The following CRACD variants were observed in gnomAD, a reference collection of about 807,000 sequenced individuals.
CRACD encodes capping protein inhibiting regulator of actin dynamics.
Under a neutral mutation model 106.8 loss-of-function variants are expected in CRACD, and 56 were observed. The observed-to-expected ratio is 0.52, with a 90% confidence interval of 0.42 to 0.66. The LOEUF (loss-of-function observed/expected upper bound fraction) is 0.66. CRACD is among the 30% of genes least tolerant of loss of function. The probability of loss-of-function intolerance (pLI) is 0.00; values close to 1 mark genes in which losing one functional copy is unlikely to be tolerated. For synonymous variants in CRACD, 754 were observed against 670.8 expected, an observed-to-expected ratio of 1.12 and a Z score of -1.92; for missense variants, 1,730 against 1,623.2, an observed-to-expected ratio of 1.07 and a Z score of -1.13.
At position 56,298,583 on chromosome 4, in the gene CRACD, T is replaced by G. The variant is rs910285582; in HGVS notation, c.120+234T>G. ...CTGCATGACACACCCTCTCCTTTTC[T>G]TTCAAATTGTTCCCTCATATTTTAC... On this transcript the variant is annotated intron_variant, in intron 4 of 10. Coordinates refer to ENST00000682029, the MANE Select transcript of CRACD (RefSeq NM_001393381.1). Among the ~76,000 whole-genome samples, 32 of 152,308 alleles carry G rather than the reference T, an allele frequency of 2.1e-4. 1 individual carries two copies. The highest frequency in any genetic ancestry group is 6.3e-4 in the African/African-American group (26 of 41,570).
chr4:56,070,132 T>A (rs933002327), intron 1 of CRACD, among the ~76,000 whole-genome samples: 2 of 152,118 alleles, frequency 1.3e-5, no homozygotes, highest in African/African-American at 4.8e-5. Flanking sequence ...CTTTGCTTGG[T>A]TCACGGTGCA....
At chr4:56,100,813 T>C (rs1055600776) in intron 1 of CRACD, among the ~76,000 whole-genome samples, 1 of 152,172 alleles carries the variant, frequency 6.6e-6, no homozygotes, top group African/African-American at 2.4e-5. Context: ...TCTGACAGAG[T>C]ACATTTCTGT....
At chr4:56,113,205 C>G (rs1047542987) in intron 1 of CRACD, among the ~76,000 whole-genome samples, 1 of 152,162 alleles carries the variant, frequency 6.6e-6, no homozygotes, top group African/African-American at 2.4e-5. Flanking sequence ...AAATTTGACA[C>G]AGTTTACTGT....
intron 1 of CRACD, among the ~76,000 whole-genome samples, chr4:56,164,119 T>C (rs2109907814): frequency 6.7e-6 from 1 of 149,650 alleles, no homozygotes; most frequent in South Asian, 2.1e-4. Flanking sequence ...CATATACTTT[T>C]GCTGGTACAG....
chr4:56,092,324 G>C (rs113697403), intron 1 of CRACD, among the ~76,000 whole-genome samples: 5 of 152,150 alleles, frequency 3.3e-5, no homozygotes, highest in Non-Finnish European at 7.4e-5. Context: ...CTTGGGCCCC[G>C]AGGAATAGTC....
chr4:56,146,256 A>T (rs1735376866), intron 1 of CRACD, among the ~76,000 whole-genome samples: 1 of 151,996 alleles, frequency 6.6e-6, no homozygotes, highest in African/African-American at 2.4e-5. Flanking sequence ...CATTCGTTTT[A>T]TTATTCTTTT....
intron 1 of CRACD, among the ~76,000 whole-genome samples, chr4:56,148,649 T>C (rs1735478257): frequency 6.6e-6 from 1 of 152,224 alleles, no homozygotes; most frequent in Admixed American, 6.5e-5. Context: ...AACAACTTTT[T>C]ATATTTGTTA....
chr4:56,259,754 G>A (rs1182197744), intron 2 of CRACD, among the ~76,000 whole-genome samples: 1 of 152,078 alleles, frequency 6.6e-6, no homozygotes, highest in Non-Finnish European at 1.5e-5. Context: ...TGTGGCTCCT[G>A]CCTCTCAATC....
chr4:56,291,601 A>G (rs1385910927), intron 3 of CRACD, among the ~76,000 whole-genome samples: 2 of 152,242 alleles, frequency 1.3e-5, no homozygotes, highest in African/African-American at 4.8e-5. Context: ...ACTGGTAACC[A>G]TGCTCACCAA....
At chr4:56,157,002 A>AT (rs1460782800) in intron 1 of CRACD, among the ~76,000 whole-genome samples, 2 of 152,240 alleles carry the variant, frequency 1.3e-5, no homozygotes, top group African/African-American at 4.8e-5. Flanking sequence ...GGCACTTAAT[A>AT]AACATTTGTC....
Position 56,314,434 on chromosome 4 carries a change from G to A in CRACD, c.932G>A (p.Arg311His), listed in dbSNP as rs1745384970. 1.9e-6 allele frequency: 3 copies of A among 1,540,704 alleles called. No homozygotes were observed. The highest frequency in any genetic ancestry group is 2.4e-5 in the South Asian group (2 of 83,460). The change falls in exon 8 of 11, where the codon CGC (arginine) becomes CAC (histidine). Residue 311 changes from arginine to histidine, a missense_variant. Physicochemically the swap from Arg to His is conservative, Grantham distance 29 (BLOSUM62 0). Around this residue, in one of 5 missense-constraint regions of CRACD, gnomAD observed 1,620 missense variants for 1,481.6 expected, o/e 1.09. Transcript: ENST00000682029. The surrounding 1 kb of genome is among the most constrained non-coding windows in gnomAD (Gnocchi z 4.4). ...EDAERREREE[R>H]ERLEAEEERR... is the part of the protein sequence containing the mutation. ...GCGGAGCGGAGGGAGCGTGAGGAGC[G>A]CGAGCGCCTGGAGGCGGAGGAGGAG... is the stretch of plus-strand genomic sequence containing the variant.
chr4:56,079,114 G>A (rs912420610), intron 1 of CRACD, among the ~76,000 whole-genome samples: 1 of 152,176 alleles, frequency 6.6e-6, no homozygotes, highest in Non-Finnish European at 1.5e-5. Context: ...TTTATGTGGA[G>A]TCCAGCGTGT....
intron 1 of CRACD, among the ~76,000 whole-genome samples, chr4:56,095,800 T>C (rs1363031381): frequency 6.6e-6 from 1 of 152,134 alleles, no homozygotes; most frequent in Non-Finnish European, 1.5e-5. Flanking sequence ...AGAGTGACAA[T>C]GTGGGGTGGG....
At chr4:56,099,836 C>T (rs1733722435) in intron 1 of CRACD, among the ~76,000 whole-genome samples, 1 of 152,184 alleles carries the variant, frequency 6.6e-6, no homozygotes, top group Non-Finnish European at 1.5e-5. Flanking sequence ...AAATAATATC[C>T]TGGAGAAATC....
intron 2 of CRACD, among the ~76,000 whole-genome samples, chr4:56,184,109 C>T (rs546953838): frequency 6.6e-6 from 1 of 152,112 alleles, no homozygotes; most frequent in Non-Finnish European, 1.5e-5. Flanking sequence ...CTTGATCTGT[C>T]GCCCAGGCTG....
intron 2 of CRACD, among the ~76,000 whole-genome samples, 155 bp from the exon 3 acceptor site, chr4:56,272,166 A>G (rs1289734861): frequency 5.3e-5 from 8 of 152,184 alleles, no homozygotes; most frequent in Non-Finnish European, 1.0e-4. Flanking sequence ...GCTGGCGCCG[A>G]CATTCCTGGC....
At chr4:56,190,154 A>C (rs1198417116) in intron 2 of CRACD, among the ~76,000 whole-genome samples, 1 of 151,542 alleles carries the variant, frequency 6.6e-6, no homozygotes, top group South Asian at 2.1e-4. Context: ...TGAACTCATC[A>C]TTTTTTATGG....
At chr4:56,237,460 T>C (rs2109551726) in intron 2 of CRACD, among the ~76,000 whole-genome samples, 1 of 152,250 alleles carries the variant, frequency 6.6e-6, no homozygotes, top group East Asian at 1.9e-4. Flanking sequence ...GTTCAAAGAA[T>C]TGGGCTGATT....
At chr4:56,117,574 G>C (rs1043187985) in intron 1 of CRACD, among the ~76,000 whole-genome samples, 1 of 152,108 alleles carries the variant, frequency 6.6e-6, no homozygotes, top group East Asian at 1.9e-4. Context: ...TTTCAGTTTT[G>C]CAGGATGAAA....
Sources: gnomAD v4.1 joint callset for allele counts (sites outside exome capture counted in the v4.1 genomes callset) on GRCh38, gnomAD v4.1.1 for gene constraint, gnomAD v4.1.1 regional missense constraint, Gnocchi (gnomAD v3.1) non-coding constraint, MANE v1.5 for transcripts, NCBI Gene and HGNC (gene_info 2026-07-23, HGNC 2026-07-21) for gene names.